Variants in CTNND2 observed in about 807,000 individuals in gnomAD.
The protein encoded by CTNND2 is catenin delta 2.
In CTNND2, 22 loss-of-function variants were observed where a neutral mutation model predicts 144.4. That is an observed-to-expected ratio of 0.15 (90% CI 0.11 to 0.22). The LOEUF (loss-of-function observed/expected upper bound fraction) is 0.22. CTNND2 is among the 10% of genes least tolerant of loss of function. The probability of loss-of-function intolerance (pLI) is 1.00; values close to 1 mark genes in which losing one functional copy is unlikely to be tolerated. For missense variants in CTNND2, 1,353 were observed against 1,618.8 expected (o/e 0.84, Z 2.82); for synonymous variants, 751 against 695.6 (o/e 1.08, Z -1.25).
At chr5:11,126,309 A>G (rs1036601046) in intron 12 of CTNND2, among the ~76,000 whole-genome samples, 4 of 152,222 alleles carry the variant, frequency 2.6e-5, no homozygotes, top group African/African-American at 7.2e-5. Context: ...CTCAAAAAAA[A>G]AGAAAATAGA....
chr5:11,142,278 A>C (rs1472289420), intron 12 of CTNND2, among the ~76,000 whole-genome samples: 1 of 152,228 alleles, frequency 6.6e-6, no homozygotes, highest in Non-Finnish European at 1.5e-5. Context: ...AAAGCAAATA[A>C]AATTAAAAGC....
At chr5:11,411,716 T>A in intron 4 of CTNND2, 64 bp from the exon 5 acceptor site, 1 of 1,008,704 alleles carries the variant, frequency 9.9e-7, no homozygotes, top group Non-Finnish European at 1.5e-6. Context: ...AGATTTAGGT[T>A]ATCATTTAAT....
chr5:11,726,819 A>C (rs1307366545), intron 2 of CTNND2, among the ~76,000 whole-genome samples: 1 of 152,244 alleles, frequency 6.6e-6, no homozygotes, highest in Non-Finnish European at 1.5e-5. Flanking sequence ...AGCATAAAAC[A>C]ATCAAATGAG....
At chr5:11,862,423 C>T (rs1795545306) in intron 1 of CTNND2, among the ~76,000 whole-genome samples, 1 of 152,154 alleles carries the variant, frequency 6.6e-6, no homozygotes, top group Non-Finnish European at 1.5e-5. Flanking sequence ...AACAACATGA[C>T]ATTTTCTTAC....
chr5:11,344,063 T>C (rs1408571774), intron 9 of CTNND2, among the ~76,000 whole-genome samples: 5 of 152,158 alleles, frequency 3.3e-5, no homozygotes, highest in Non-Finnish European at 5.9e-5. Flanking sequence ...TTAAAAGAAT[T>C]ACTATATTTT....
chr5:11,117,769 A>G (rs1017781051), intron 12 of CTNND2, among the ~76,000 whole-genome samples: 3 of 152,214 alleles, frequency 2.0e-5, no homozygotes, highest in African/African-American at 7.2e-5. Flanking sequence ...GATGTCTGTA[A>G]TGCAACTCCT....
At chr5:11,075,291 G>A (rs1362388491) in intron 16 of CTNND2, among the ~76,000 whole-genome samples, 1 of 152,216 alleles carries the variant, frequency 6.6e-6, no homozygotes, top group African/African-American at 2.4e-5. Context: ...GGGGAGAGAA[G>A]GCATTGGCTG....
intron 2 of CTNND2, among the ~76,000 whole-genome samples, chr5:11,680,037 G>A (rs1466200494): frequency 6.6e-6 from 1 of 152,200 alleles, no homozygotes; most frequent in Admixed American, 6.5e-5. Flanking sequence ...GACTTTGGAA[G>A]TGTAACATGA....
Position 10,973,755 on chromosome 5 carries a change from C to G in CTNND2, c.3418-42G>C. On this transcript the variant is annotated intron_variant, in intron 21 of 21. Transcript: ENST00000304623. This position sits in a 1 kb window ranked among gnomAD's most constrained non-coding sequence, Gnocchi z 5.6. ...AGCCACACTGGGTTACTTGGTTTCC[C>G]TTGACTCAGCCTGCCTCTTGCCCCG... 1.3e-6 allele frequency: 2 copies of G among 1,541,270 alleles called. No individual in the cohort carries two copies. The highest frequency in any genetic ancestry group is 2.5e-5 in the South Asian group (2 of 78,558).
At chr5:11,894,536 A>C (rs1036915440) in intron 1 of CTNND2, among the ~76,000 whole-genome samples, 2 of 152,156 alleles carry the variant, frequency 1.3e-5, no homozygotes, top group African/African-American at 4.8e-5. Flanking sequence ...TAGGCAAGAA[A>C]ATCTTTTGAC....
intron 12 of CTNND2, among the ~76,000 whole-genome samples, chr5:11,133,829 A>T (rs1755854425): frequency 1.3e-5 from 2 of 152,238 alleles, no homozygotes; most frequent in South Asian, 4.1e-4. Context: ...GCATTTTAAA[A>T]GCAAGGCTGC....
intron 1 of CTNND2, among the ~76,000 whole-genome samples, chr5:11,852,307 GA>G (rs1251902487): frequency 6.6e-5 from 10 of 150,960 alleles, no homozygotes; most frequent in East Asian, 1.9e-4. Flanking sequence ...CTTAAATTTA[GA>G]AAAAAAAATC....
chr5:11,221,928 G>A (rs1739835283), intron 10 of CTNND2, among the ~76,000 whole-genome samples: 1 of 152,142 alleles, frequency 6.6e-6, no homozygotes, highest in African/African-American at 2.4e-5. Context: ...AGAAGTTTAT[G>A]GTGGATATAA....
At chr5:11,417,127 C>T (rs1052707906) in intron 3 of CTNND2, among the ~76,000 whole-genome samples, 1 of 152,160 alleles carries the variant, frequency 6.6e-6, no homozygotes, top group African/African-American at 2.4e-5. Context: ...AGTTAATCTT[C>T]ATATTAAAAC....
At chr5:11,163,058 T>C (rs1241374687) in intron 11 of CTNND2, among the ~76,000 whole-genome samples, 1 of 152,206 alleles carries the variant, frequency 6.6e-6, no homozygotes, top group African/African-American at 2.4e-5. Flanking sequence ...TTTTCCATAG[T>C]GGTTTAAAAT....
At chr5:11,088,310 A>G (rs1750396903) in intron 15 of CTNND2, among the ~76,000 whole-genome samples, 1 of 152,166 alleles carries the variant, frequency 6.6e-6, no homozygotes, top group African/African-American at 2.4e-5. Flanking sequence ...ACCACAGTGG[A>G]GGTCCAAAAT....
intron 3 of CTNND2, among the ~76,000 whole-genome samples, chr5:11,427,567 AC>A (rs1380139684): frequency 1.3e-4 from 20 of 152,178 alleles, no homozygotes; most frequent in Admixed American, 1.3e-3. Context: ...GGTATGAGCC[AC>A]TATGCCTGGT....
At chr5:11,252,181 C>A (rs1394169075) in intron 9 of CTNND2, among the ~76,000 whole-genome samples, 1 of 152,190 alleles carries the variant, frequency 6.6e-6, no homozygotes, top group African/African-American at 2.4e-5. Context: ...CTCCTTCACA[C>A]CCATTTGTTG....
Position 11,746,432 on chromosome 5 carries a change from A to G in CTNND2, c.38-14160T>C, listed in dbSNP as rs1025438827. Among the ~76,000 whole-genome samples, 3 of 152,052 alleles carry G rather than the reference A, an allele frequency of 2.0e-5. No individual in the cohort carries two copies. The South Asian group carries it at 6.2e-4, about 32-fold the overall frequency. On this transcript the variant is annotated intron_variant, in intron 1 of 21. Coordinates refer to ENST00000304623, the MANE Select transcript of CTNND2 (RefSeq NM_001332.4). ...TACCTTTACAGCTTGAACTTTCCTC[A>G]GATATTACATGATCACTAAGAACTG...
Sources: gnomAD v4.1 joint callset for allele counts (sites outside exome capture counted in the v4.1 genomes callset) on GRCh38, gnomAD v4.1.1 for gene constraint, Gnocchi (gnomAD v3.1) non-coding constraint, MANE v1.5 for transcripts, NCBI Gene and HGNC (gene_info 2026-07-23, HGNC 2026-07-21) for gene names.